RIC8B: variants seen among roughly 807,000 people sequenced by gnomAD.
RIC8B encodes the protein chaperone Ric-8B.
A neutral mutation model predicts 57.5 loss-of-function variants in RIC8B; 16 were observed. The observed-to-expected ratio is 0.28, with a 90% CI of 0.19 to 0.42. RIC8B has a LOEUF of 0.42. Ranked by LOEUF, RIC8B falls within the 10% of genes least tolerant of loss-of-function variation. RIC8B has a pLI of 1.00. For synonymous variants in RIC8B, 216 were observed against 250.8 expected (o/e 0.86, Z 1.31); for missense variants, 481 against 677.0 (o/e 0.71, Z 3.21).
chr12:106,846,721 G>C (rs1427923799), intron 6 of RIC8B, among the ~76,000 whole-genome samples: 1 of 85,348 alleles, frequency 1.2e-5, no homozygotes, highest in Non-Finnish European at 2.5e-5. Flanking sequence ...AAACAGAACA[G>C]CCAAAAAAAA....
At chr12:106,860,206 TG>T in intron 7 of RIC8B, 61 bp from the exon 8 acceptor site, 1 of 1,343,990 alleles carries the variant, frequency 7.4e-7, no homozygotes, top group Non-Finnish European at 9.9e-7. Flanking sequence ...TGTTGGTGAG[TG>T]GTTGATGATG....
chr12:106,818,500 G>T (rs529924725), intron 3 of RIC8B, among the ~76,000 whole-genome samples: 6 of 152,090 alleles, frequency 3.9e-5, no homozygotes, highest in Non-Finnish European at 8.8e-5. Flanking sequence ...CTTGTCTGTT[G>T]CCTAGGCTGG....
chr12:106,874,066 T>C (rs1950561678), intron 9 of RIC8B, among the ~76,000 whole-genome samples: 1 of 151,854 alleles, frequency 6.6e-6, no homozygotes, highest in Non-Finnish European at 1.5e-5. Flanking sequence ...TAATGACTGA[T>C]GATAATTCAT....
rs867769688 is a variant in RIC8B at position 106,885,904 on chromosome 12, A to G, written c.1572A>G (p.Arg524=). The part of the protein sequence containing the change: ...KLVNMLDKLS[R]EELLKPMGLK... ...CTCTCTCTTTTATCTCTTTTTCTAGAGAGGAGTTGCTTAAACCAATGGGAC... is the reference window on the plus strand; with the variant it reads ...CTCTCTCTTTTATCTCTTTTTCTAGGGAGGAGTTGCTTAAACCAATGGGAC... Residue 524 remains arginine, a splice_region_variant and synonymous_variant, in exon 10 of 10, where the codon AGA becomes AGG. Coordinates refer to ENST00000392837, the MANE Select transcript of RIC8B (RefSeq NM_001330145.2). The G allele has an allele frequency of 2.2e-5, 36 of 1,603,478 alleles. 3 individuals are homozygous for G. The Middle Eastern group carries it at 5.8e-3, about 257-fold the overall frequency.
At chr12:106,816,807 A>C (rs1386371489) in intron 3 of RIC8B, among the ~76,000 whole-genome samples, 1 of 152,252 alleles carries the variant, frequency 6.6e-6, no homozygotes, top group Non-Finnish European at 1.5e-5. Context: ...AGTATACTTC[A>C]GTTATAAGTA....
chr12:106,792,325 G>A (rs889373456), intron 2 of RIC8B, among the ~76,000 whole-genome samples: 2 of 152,180 alleles, frequency 1.3e-5, no homozygotes, highest in Admixed American at 1.3e-4. Flanking sequence ...AATCTAGAAA[G>A]CAAGGACAGG....
chr12:106,775,981 GGGGCAGAAA>G (rs2043458833), intron 1 of RIC8B, among the ~76,000 whole-genome samples: 1 of 152,048 alleles, frequency 6.6e-6, no homozygotes, highest in Admixed American at 6.5e-5. Flanking sequence ...TTTTCCACCC[GGGGCAGAAA>G]TGGCATACTG....
chr12:106,876,127 C>T (rs1218864826), intron 9 of RIC8B, among the ~76,000 whole-genome samples: 3 of 152,010 alleles, frequency 2.0e-5, no homozygotes, highest in Non-Finnish European at 4.4e-5. Context: ...ATCTTGTTTT[C>T]ATCAGAATAT....
chr12:106,781,213 G>A (rs1456272458), intron 1 of RIC8B, among the ~76,000 whole-genome samples: 1 of 152,078 alleles, frequency 6.6e-6, no homozygotes, highest in African/African-American at 2.4e-5. Context: ...GCCCCCCAAA[G>A]TGTTAGGATT....
intron 8 of RIC8B, 121 bp downstream of exon 8, chr12:106,860,533 G>T: frequency 1.2e-6 from 1 of 808,270 alleles, no homozygotes; most frequent in East Asian, 3.2e-5. Context: ...TCCATTTAAT[G>T]GTGTTTTTAG....
chr12:106,805,361 G>A (rs987690499), intron 2 of RIC8B, among the ~76,000 whole-genome samples: 5 of 151,926 alleles, frequency 3.3e-5, no homozygotes, highest in African/African-American at 1.2e-4. Flanking sequence ...TCCTCTGCTG[G>A]GCGCCATGGC....
At chr12:106,780,078 A>T (rs973424153) in intron 1 of RIC8B, among the ~76,000 whole-genome samples, 1 of 152,096 alleles carries the variant, frequency 6.6e-6, no homozygotes, top group African/African-American at 2.4e-5. Flanking sequence ...TATCAACAAC[A>T]AACTGTGACT....
intron 4 of RIC8B, among the ~76,000 whole-genome samples, chr12:106,835,914 C>T (rs957199815): frequency 3.3e-5 from 5 of 152,332 alleles, no homozygotes; most frequent in Middle Eastern, 6.8e-3. Context: ...CCACCTGTTG[C>T]TGCTGTAGTC....
At chr12:106,800,105 C>T (rs969551580) in intron 2 of RIC8B, among the ~76,000 whole-genome samples, 2 of 152,044 alleles carry the variant, frequency 1.3e-5, no homozygotes, top group Non-Finnish European at 2.9e-5. Flanking sequence ...GGAAGTAATC[C>T]CAAGAGACCG....
intron 4 of RIC8B, among the ~76,000 whole-genome samples, chr12:106,830,026 A>AT (rs1258545550): frequency 6.6e-6 from 1 of 152,142 alleles, no homozygotes; most frequent in East Asian, 1.9e-4. Flanking sequence ...TCTCTATTCT[A>AT]TTTCATTTGT....
intron 8 of RIC8B, among the ~76,000 whole-genome samples, chr12:106,866,926 A>G (rs970844983): frequency 6.6e-6 from 1 of 152,156 alleles, no homozygotes; most frequent in Non-Finnish European, 1.5e-5. Context: ...CCTTCCTACG[A>G]GGTATAAGCT....
At chr12:106,779,868 C>CTTTTTTTT (rs34745029) in intron 1 of RIC8B, among the ~76,000 whole-genome samples, 4 of 98,970 alleles carry the variant, frequency 4.0e-5, no homozygotes, top group Non-Finnish European at 8.0e-5. Context: ...GGGGCCTGTT[C>CTTTTTTTT]TTTTTTTTTT....
intron 8 of RIC8B, among the ~76,000 whole-genome samples, chr12:106,866,853 C>G (rs146114392): frequency 6.6e-6 from 1 of 152,248 alleles, no homozygotes; most frequent in African/African-American, 2.4e-5. Flanking sequence ...ACTGGAAGTT[C>G]TGGTTACATA....
intron 9 of RIC8B, among the ~76,000 whole-genome samples, chr12:106,883,237 C>T (rs999452755): frequency 1.3e-5 from 2 of 152,160 alleles, no homozygotes; most frequent in Non-Finnish European, 2.9e-5. Flanking sequence ...CCTTCAGACC[C>T]TCAGTGTTTC....
Sources: allele counts gnomAD v4.1 joint callset (sites outside exome capture counted in the v4.1 genomes callset), GRCh38; gene constraint gnomAD v4.1.1; transcripts MANE v1.5; gene names NCBI Gene and HGNC (gene_info 2026-07-23, HGNC 2026-07-21).